ADAMTS16: variants seen among roughly 807,000 people sequenced by gnomAD.
ADAMTS16 encodes the protein A disintegrin and metalloproteinase with thrombospondin motifs 16.
In ADAMTS16, 94 loss-of-function variants were observed where a neutral mutation model predicts 145.8. The ratio of observed to expected loss-of-function variants is 0.64; its 90% CI spans 0.55 to 0.77. The LOEUF (loss-of-function observed/expected upper bound fraction) is 0.77. Among genes scored for constraint, ADAMTS16 ranks in the 30% least tolerant of loss-of-function variants. The pLI is 0.00. For missense variants in ADAMTS16, 1,585 were observed against 1,591.5 expected (o/e 1.00, Z 0.07); for synonymous variants, 659 against 604.3 (o/e 1.09, Z -1.33).
intron 3 of ADAMTS16, among the ~76,000 whole-genome samples, chr5:5,161,062 A>G (rs2126526636): frequency 6.6e-6 from 1 of 152,324 alleles, no homozygotes; most frequent in Non-Finnish European, 1.5e-5. Flanking sequence ...TTACATATAC[A>G]CTAGTTTATT....
At chr5:5,273,093 G>A (rs1393357614) in intron 18 of ADAMTS16, among the ~76,000 whole-genome samples, 1 of 152,198 alleles carries the variant, frequency 6.6e-6, no homozygotes, top group Non-Finnish European at 1.5e-5. Context: ...GGGACTGTGT[G>A]TCTCACCCAC....
intron 18 of ADAMTS16, among the ~76,000 whole-genome samples, chr5:5,275,008 G>C (rs1255054270): frequency 6.6e-6 from 1 of 152,174 alleles, no homozygotes; most frequent in Non-Finnish European, 1.5e-5. Context: ...CAAACTGGTG[G>C]ATAGATAGAA....
intron 21 of ADAMTS16, among the ~76,000 whole-genome samples, chr5:5,313,169 G>A (rs1740525553): frequency 6.6e-6 from 1 of 152,164 alleles, no homozygotes; most frequent in Admixed American, 6.5e-5. Flanking sequence ...GCTATGTTCT[G>A]AGGTTGTAAC....
intron 8 of ADAMTS16, among the ~76,000 whole-genome samples, chr5:5,192,258 A>T (rs1735680576): frequency 1.3e-5 from 2 of 151,590 alleles, no homozygotes; most frequent in African/African-American, 4.9e-5. Context: ...TTTCTCCAAC[A>T]CTCCTGTACA....
chr5:5,145,086 A>AGG (rs1734259539), intron 2 of ADAMTS16, among the ~76,000 whole-genome samples: 1 of 151,974 alleles, frequency 6.6e-6, no homozygotes, highest in Non-Finnish European at 1.5e-5. Flanking sequence ...GAACGCGGAG[A>AGG]TTATGAGCCT....
At chr5:5,206,003 A>G (rs1447914112) in intron 9 of ADAMTS16, among the ~76,000 whole-genome samples, 2 of 152,176 alleles carry the variant, frequency 1.3e-5, no homozygotes, top group Non-Finnish European at 2.9e-5. Context: ...TTGATGTTGT[A>G]TCAAAAAAGC....
intron 10 of ADAMTS16, among the ~76,000 whole-genome samples, chr5:5,220,826 G>A (rs1282596810): frequency 6.6e-6 from 1 of 151,930 alleles, no homozygotes; most frequent in Admixed American, 6.6e-5. Flanking sequence ...TATCTACCTG[G>A]GAATCCCAAA....
chr5:5,318,368 A>T, intron 22 of ADAMTS16, 87 bp downstream of exon 22: 1 of 1,260,382 alleles, frequency 7.9e-7, no homozygotes, highest in Non-Finnish European at 1.0e-6. Context: ...GCCTGGAGTT[A>T]GGGTCTTGCG....
intron 17 of ADAMTS16, among the ~76,000 whole-genome samples, chr5:5,261,843 T>C (rs1738046887): frequency 6.6e-6 from 1 of 152,198 alleles, no homozygotes; most frequent in African/African-American, 2.4e-5. Flanking sequence ...TTCACATTGA[T>C]GTACAATCAT....
intron 21 of ADAMTS16, among the ~76,000 whole-genome samples, chr5:5,309,463 T>C (rs936350181): frequency 6.6e-6 from 1 of 152,138 alleles, no homozygotes; most frequent in African/African-American, 2.4e-5. Context: ...GCCTAACCCA[T>C]AGTAAGTATT....
intron 18 of ADAMTS16, among the ~76,000 whole-genome samples, chr5:5,274,329 C>A (rs540159751): frequency 6.6e-6 from 1 of 152,320 alleles, no homozygotes; most frequent in East Asian, 1.9e-4. Flanking sequence ...GGGAGCTTCA[C>A]TGCCCTGCAG....
At chr5:5,143,573 A>G (rs951545571) in intron 2 of ADAMTS16, among the ~76,000 whole-genome samples, 1 of 152,210 alleles carries the variant, frequency 6.6e-6, no homozygotes, top group Admixed American at 6.5e-5. Flanking sequence ...CAGTGTGGCG[A>G]TTCCTCAAGG....
intron 20 of ADAMTS16, 49 bp from the exon 21 acceptor site, chr5:5,306,455 C>CAAAAAAAAA (rs967258160): frequency 6.4e-7 from 1 of 1,557,708 alleles, no homozygotes; most frequent in Non-Finnish European, 8.7e-7. Flanking sequence ...ACAGATTTTG[C>CAAAAAAAAA]AAAAAAAGAG....
At chr5:5,294,074 C>T (rs16875287) in intron 18 of ADAMTS16, among the ~76,000 whole-genome samples, 16,547 of 152,182 alleles carry the variant, frequency 0.11, 997 homozygotes, top group South Asian at 0.16. Context: ...TTCATGTTCG[C>T]GCTGGAAATA....
chr5:5,305,123 C>CT (rs1740023433), intron 20 of ADAMTS16, among the ~76,000 whole-genome samples: 1 of 38,252 alleles, frequency 2.6e-5, no homozygotes, highest in Admixed American at 2.2e-4. Context: ...ACACACACAC[C>CT]CCACACCACA....
chr5:5,206,396 A>G (rs1243487105), intron 9 of ADAMTS16, among the ~76,000 whole-genome samples: 1 of 98,976 alleles, frequency 1.0e-5, no homozygotes, highest in East Asian at 3.7e-4. Flanking sequence ...ACTGCACTCC[A>G]GCCTGGGCGA....
chr5:5,197,212 C>G (rs1279909603), intron 8 of ADAMTS16, among the ~76,000 whole-genome samples: 1 of 152,212 alleles, frequency 6.6e-6, no homozygotes, highest in African/African-American at 2.4e-5. Flanking sequence ...AGTGATACAG[C>G]CTCTACAAAC....
chr5:5,291,688 G>A (rs1268746012), intron 18 of ADAMTS16, among the ~76,000 whole-genome samples: 1 of 115,380 alleles, frequency 8.7e-6, no homozygotes, highest in Non-Finnish European at 1.6e-5. Flanking sequence ...CTTAGACACA[G>A]AAAGGCTGTC....
chr5:5,248,306 G>T (rs958997036), intron 17 of ADAMTS16, among the ~76,000 whole-genome samples: 1 of 152,146 alleles, frequency 6.6e-6, no homozygotes, highest in Non-Finnish European at 1.5e-5. Flanking sequence ...GCAAACATGA[G>T]GATTTTTAAG....
Sources: allele counts gnomAD v4.1 joint callset (sites outside exome capture counted in the v4.1 genomes callset), GRCh38; gene constraint gnomAD v4.1.1; transcripts MANE v1.5; gene names NCBI Gene and HGNC (gene_info 2026-07-23, HGNC 2026-07-21).